The following TYR variants were observed in gnomAD, a reference collection of about 807,000 sequenced individuals.
TYR encodes tyrosinase.
TYR carries 58 observed loss-of-function variants against 51.5 expected under a neutral mutation model. That is an observed-to-expected ratio of 1.13 (90% CI 0.91 to 1.40). TYR has a LOEUF of 1.40. Among genes scored for constraint, TYR ranks in the 40% most tolerant of loss-of-function variants. The probability of loss-of-function intolerance (pLI) is 0.00; values close to 1 mark genes in which losing one functional copy is unlikely to be tolerated. For synonymous variants in TYR, 263 were observed against 235.2 expected (o/e 1.12, Z -1.08); for missense variants, 732 against 647.4 (o/e 1.13, Z -1.42).
chr11:89,278,992 T>G (rs1369128580), intron 3 of TYR, among the ~76,000 whole-genome samples: 9 of 151,714 alleles, frequency 5.9e-5, no homozygotes, highest in African/African-American at 1.9e-4. Flanking sequence ...ATGATTAAAC[T>G]GGGATATGTG....
intron 1 of TYR, among the ~76,000 whole-genome samples, chr11:89,179,076 A>T (rs923625380): frequency 6.6e-6 from 1 of 152,224 alleles, no homozygotes; most frequent in African/African-American, 2.4e-5. Flanking sequence ...ATAGTGCATT[A>T]TGTATTTTGT....
intron 2 of TYR, among the ~76,000 whole-genome samples, chr11:89,198,278 G>T (rs1311073896): frequency 1.3e-5 from 2 of 152,018 alleles, no homozygotes; most frequent in Non-Finnish European, 2.9e-5. Context: ...GACACTAATT[G>T]TATAAACTAG....
At chr11:89,277,398 C>T (rs561412740) in intron 3 of TYR, among the ~76,000 whole-genome samples, 2 of 151,760 alleles carry the variant, frequency 1.3e-5, no homozygotes, top group South Asian at 4.1e-4. Context: ...CTGTCCTGGC[C>T]TTTCAGAAAG....
At chr11:89,214,484 A>G (rs1204524904) in intron 2 of TYR, among the ~76,000 whole-genome samples, 2 of 152,202 alleles carry the variant, frequency 1.3e-5, no homozygotes, top group Non-Finnish European at 2.9e-5. Context: ...CGATTCCTCA[A>G]GGATCTAGAA....
At chr11:89,276,571 T>C (rs1167879039) in intron 3 of TYR, among the ~76,000 whole-genome samples, 1 of 151,770 alleles carries the variant, frequency 6.6e-6, no homozygotes, top group Non-Finnish European at 1.5e-5. Context: ...ACATATCCTT[T>C]CCTGATCTTG....
At chr11:89,180,036 C>T (rs910523707) in intron 1 of TYR, among the ~76,000 whole-genome samples, 4 of 152,076 alleles carry the variant, frequency 2.6e-5, no homozygotes, top group Non-Finnish European at 5.9e-5. Context: ...AAGTTTGTAC[C>T]CCATCCCAAT....
chr11:89,178,558 A>G lies in TYR; in HGVS notation c.605A>G (p.His202Arg), dbSNP rs1234617605. 1.9e-6 allele frequency: 3 copies of G among 1,614,198 alleles called. No homozygotes were observed. The highest frequency in any genetic ancestry group is 2.2e-5 in the South Asian group (2 of 91,078). ...ATCTGGAGAGACATTGATTTTGCCC[A>G]TGAAGCACCAGCTTTTCTGCCTTGG... ...SEIWRDIDFA[H>R]EAPAFLPWHR... The change falls in exon 1 of 5, where the codon CAT becomes CGT. Residue 202 changes from histidine (H) to arginine (R), a missense_variant. By Grantham distance (29) the His-to-Arg change is conservative. Coordinates refer to ENST00000263321, the MANE Select transcript of TYR (RefSeq NM_000372.5).
rs566589156 is a variant in TYR, at chr11:89,215,298, G to A, written c.1037-12525G>A. 7.2e-5 allele frequency among the ~76,000 whole-genome samples: 10 copies of A among 138,398 alleles called. 1 individual carries two copies. Among genetic ancestry groups the A allele is most frequent in the South Asian group, 5.0e-4 (2 of 4,018 alleles). 90.8% of individuals were successfully genotyped at this position (138,398 alleles called of 152,430 possible). Reference sequence around the variant, plus strand: ...TCACAAGGACACAAAACCAATCACCGTATGTTCTCACTCATAAGTGGGAGT... The same window carrying A: ...TCACAAGGACACAAAACCAATCACCATATGTTCTCACTCATAAGTGGGAGT... On this transcript the variant is annotated intron_variant, in intron 2 of 4. Coordinates refer to ENST00000263321, the MANE Select transcript of TYR (RefSeq NM_000372.5).
chr11:89,230,346 G>A (rs994536503), intron 3 of TYR, among the ~76,000 whole-genome samples: 4 of 152,044 alleles, frequency 2.6e-5, no homozygotes, highest in Non-Finnish European at 4.4e-5. Context: ...AATGAAATTG[G>A]ACCCATATCT....
At chr11:89,205,799 T>C (rs570711184) in intron 2 of TYR, among the ~76,000 whole-genome samples, 1 of 152,226 alleles carries the variant, frequency 6.6e-6, no homozygotes, top group Non-Finnish European at 1.5e-5. Flanking sequence ...AGCAAAAATA[T>C]AGGGAATTCA....
intron 3 of TYR, among the ~76,000 whole-genome samples, chr11:89,272,482 C>T (rs1032087762): frequency 2.6e-5 from 4 of 151,258 alleles, no homozygotes; most frequent in African/African-American, 9.7e-5. Flanking sequence ...GTCACCTAAA[C>T]ATTGTTCTAT....
At chr11:89,192,634 G>A (rs1943460935) in intron 2 of TYR, among the ~76,000 whole-genome samples, 1 of 151,950 alleles carries the variant, frequency 6.6e-6, no homozygotes, top group Non-Finnish European at 1.5e-5. Flanking sequence ...AGAATCAATT[G>A]AAGCAAGGCA....
chr11:89,259,024 G>T (rs1398354223), intron 3 of TYR, among the ~76,000 whole-genome samples: 1 of 152,006 alleles, frequency 6.6e-6, no homozygotes, highest in Non-Finnish European at 1.5e-5. Flanking sequence ...ATCAGTGGGT[G>T]TCTTTTTTTA....
chr11:89,188,010 G>A (rs1285837800), intron 1 of TYR, among the ~76,000 whole-genome samples: 2 of 150,704 alleles, frequency 1.3e-5, no homozygotes, highest in Non-Finnish European at 3.0e-5. Flanking sequence ...GGTCTAGTAA[G>A]TGTGTGTGGT....
rs534570853 is a variant in TYR, at chr11:89,181,562, T to C, written c.819+2790T>C. On this transcript the variant is annotated intron_variant, in intron 1 of 4. Transcript: ENST00000263321. ...TAGATTGAGTTAAGACCTTCCAAAT[T>C]AGCTAGGCTGATGCACCTTTCACAT... Among the ~76,000 whole-genome samples the C allele has an allele frequency of 2.0e-5, 3 of 152,322 alleles. No homozygotes were observed. In the South Asian group the frequency reaches 6.2e-4, roughly 32 times the overall value.
At chr11:89,272,469 G>C (rs191458347) in intron 3 of TYR, among the ~76,000 whole-genome samples, 216 of 151,582 alleles carry the variant, frequency 1.4e-3, no homozygotes, top group African/African-American at 5.0e-3. Context: ...AAACAGATGT[G>C]CTGTCACCTA....
chr11:89,295,524 A>G lies in TYR; in HGVS notation c.*158A>G. 1 of 893,098 alleles carries G rather than the reference A, an allele frequency of 1.1e-6. No individual in the cohort carries two copies. The highest frequency in any genetic ancestry group is 1.7e-6 in the Non-Finnish European group (1 of 571,920). The allele number at this position is 893,098 out of a possible 1,614,324, so 55.3% of individuals were successfully genotyped here. A position where few individuals can be genotyped will look rare whatever the true frequency, so the allele number is the denominator to read the frequency against. The stretch of plus-strand genomic sequence containing the variant: ...TGTAGCCTTCTTCCAACTCAGGTAG[A>G]ACACACCTGTCTTTGTCTTGCTGTT... On this transcript the variant is annotated 3_prime_UTR_variant, in exon 5 of 5. Coordinates refer to ENST00000263321, the MANE Select transcript of TYR (RefSeq NM_000372.5).
intron 3 of TYR, among the ~76,000 whole-genome samples, chr11:89,254,802 T>C (rs1944370475): frequency 6.6e-6 from 1 of 151,830 alleles, no homozygotes; most frequent in Non-Finnish European, 1.5e-5. Context: ...CTTTTGTATT[T>C]CTTTTGTTTC....
intron 3 of TYR, among the ~76,000 whole-genome samples, chr11:89,257,493 T>C (rs1429748368): frequency 7.9e-5 from 12 of 151,984 alleles, no homozygotes; most frequent in African/African-American, 2.9e-4. Flanking sequence ...TCAAATTTTG[T>C]CATGGTTTAT....
Sources: allele counts gnomAD v4.1 joint callset (sites outside exome capture counted in the v4.1 genomes callset), GRCh38; gene constraint gnomAD v4.1.1; transcripts MANE v1.5; gene names NCBI Gene and HGNC (gene_info 2026-07-23, HGNC 2026-07-21).